LHFPL3: variants seen among roughly 807,000 people sequenced by gnomAD.
LHFPL3 encodes LHFPL tetraspan subfamily member 3 protein.
Under a neutral mutation model 19.3 loss-of-function variants are expected in LHFPL3, and 5 were observed. The ratio of observed to expected loss-of-function variants is 0.26; its 90% CI spans 0.14 to 0.54. The LOEUF is 0.54. Among genes scored for constraint, LHFPL3 ranks in the 20% least tolerant of loss-of-function variants. LHFPL3 has a pLI of 0.94. For missense variants in LHFPL3, 249 were observed against 307.4 expected, an observed-to-expected ratio of 0.81 and a Z score of 1.42; for synonymous variants, 133 against 126.2, an observed-to-expected ratio of 1.05 and a Z score of -0.36.
chr7:104,596,748 C>A (rs1562945721), intron 1 of LHFPL3, among the ~76,000 whole-genome samples: 1 of 152,226 alleles, frequency 6.6e-6, no homozygotes, highest in Non-Finnish European at 1.5e-5. Context: ...GATTTACATT[C>A]CTCAGCTTGG....
chr7:104,806,666 T>C (rs1368383238), intron 2 of LHFPL3, among the ~76,000 whole-genome samples: 1 of 152,224 alleles, frequency 6.6e-6, no homozygotes, highest in Non-Finnish European at 1.5e-5. Context: ...CTGTTGACAA[T>C]TCTAGAATGA....
intron 2 of LHFPL3, among the ~76,000 whole-genome samples, chr7:104,817,173 C>T (rs575554586): frequency 1.3e-5 from 2 of 152,354 alleles, no homozygotes; most frequent in South Asian, 2.1e-4. Context: ...GCGCGGGCTA[C>T]GTTGCCAGTC....
intron 2 of LHFPL3, among the ~76,000 whole-genome samples, chr7:104,777,544 G>A (rs891321591): frequency 6.6e-6 from 1 of 152,240 alleles, no homozygotes; most frequent in African/African-American, 2.4e-5. Flanking sequence ...TGGTTGCTAT[G>A]TCTGCAGTTT....
chr7:104,876,137 G>T (rs1791934697), intron 2 of LHFPL3, among the ~76,000 whole-genome samples: 1 of 152,084 alleles, frequency 6.6e-6, no homozygotes. Context: ...ATTCAAGATG[G>T]ATTAAAGACT....
At chr7:104,899,928 T>C (rs1017267448) in intron 2 of LHFPL3, among the ~76,000 whole-genome samples, 1 of 152,198 alleles carries the variant, frequency 6.6e-6, no homozygotes, top group Non-Finnish European at 1.5e-5. Flanking sequence ...GACAGGGTTT[T>C]ACCATGTTGG....
At chr7:104,571,927 A>G (rs947772101) in intron 1 of LHFPL3, among the ~76,000 whole-genome samples, 6 of 152,104 alleles carry the variant, frequency 3.9e-5, no homozygotes, top group African/African-American at 1.4e-4. Context: ...ACTTTTTCTT[A>G]TTTTTAAGTA....
chr7:104,371,934 T>A (rs1364768650), intron 1 of LHFPL3, among the ~76,000 whole-genome samples: 1 of 152,250 alleles, frequency 6.6e-6, no homozygotes, highest in Non-Finnish European at 1.5e-5. Flanking sequence ...ATTTTCTCGC[T>A]GCTAGTTGAG....
intron 1 of LHFPL3, among the ~76,000 whole-genome samples, chr7:104,427,334 C>T (rs1225750708): frequency 6.6e-6 from 1 of 152,198 alleles, no homozygotes; most frequent in African/African-American, 2.4e-5. Context: ...TTAATGATAA[C>T]TCCACCTATA....
chr7:104,867,815 T>G (rs1046604758), intron 2 of LHFPL3, among the ~76,000 whole-genome samples: 2 of 152,160 alleles, frequency 1.3e-5, no homozygotes, highest in African/African-American at 4.8e-5. Context: ...TGAACATCGA[T>G]GAAAAAATCC....
chr7:104,391,960 G>A (rs1210806755), intron 1 of LHFPL3, among the ~76,000 whole-genome samples: 4 of 152,148 alleles, frequency 2.6e-5, no homozygotes, highest in Non-Finnish European at 5.9e-5. Flanking sequence ...GTGAATGGGA[G>A]TTCACTCATG....
At chr7:104,865,903 A>T (rs1041164242) in intron 2 of LHFPL3, among the ~76,000 whole-genome samples, 41 of 152,246 alleles carry the variant, frequency 2.7e-4, no homozygotes, top group Admixed American at 2.0e-3. Flanking sequence ...AAGCCAGAAG[A>T]GAGTGGGGGC....
chr7:104,359,206 G>T (rs920149590), intron 1 of LHFPL3, among the ~76,000 whole-genome samples: 19 of 152,116 alleles, frequency 1.2e-4, no homozygotes, highest in Admixed American at 1.2e-3. Context: ...ATTTCTCCTT[G>T]GGAATATTTT....
chr7:104,567,223 A>G (rs773019583), intron 1 of LHFPL3, among the ~76,000 whole-genome samples: 13 of 152,156 alleles, frequency 8.5e-5, no homozygotes, highest in Non-Finnish European at 1.2e-4. Flanking sequence ...TCTTTTACCA[A>G]TGTATTACAT....
chr7:104,341,043 C>T (rs1027313650), intron 1 of LHFPL3, among the ~76,000 whole-genome samples: 1 of 152,186 alleles, frequency 6.6e-6, no homozygotes. Context: ...ATTTCCTCTT[C>T]ACAGTTATCG....
chr7:104,400,676 A>T lies in LHFPL3; in HGVS notation c.445+71452A>T, dbSNP rs368516118. On this transcript the variant is annotated intron_variant, in intron 1 of 2. Coordinates refer to ENST00000424859, the MANE Select transcript of LHFPL3 (RefSeq NM_199000.3). ...AAGACAAAATCCTCTCCACTCAGCC[A>T]GACTAACAACTCAAATACCCCTCAG... 2.6e-5 allele frequency among the ~76,000 whole-genome samples: 4 copies of T among 152,334 alleles called. No individual in the cohort carries two copies. In the South Asian group the frequency reaches 8.3e-4, roughly 32 times the overall value.
intron 1 of LHFPL3, among the ~76,000 whole-genome samples, chr7:104,467,118 C>T (rs2115597992): frequency 6.6e-6 from 1 of 152,258 alleles, no homozygotes; most frequent in African/African-American, 2.4e-5. Context: ...AGTTCAATAG[C>T]ACCTACAGTT....
chr7:104,780,291 C>T (rs957598958), intron 2 of LHFPL3, among the ~76,000 whole-genome samples: 9 of 152,172 alleles, frequency 5.9e-5, no homozygotes, highest in African/African-American at 1.2e-4. Context: ...TTCCCACTCC[C>T]GCTGCCAGCA....
chr7:104,739,878 T>A (rs578140457), intron 2 of LHFPL3, among the ~76,000 whole-genome samples: 1 of 152,200 alleles, frequency 6.6e-6, no homozygotes, highest in African/African-American at 2.4e-5. Flanking sequence ...CACACTGTAA[T>A]GTCTTTTATA....
chr7:104,754,670 A>C (rs1794249314), intron 2 of LHFPL3, among the ~76,000 whole-genome samples: 1 of 152,244 alleles, frequency 6.6e-6, no homozygotes, highest in Non-Finnish European at 1.5e-5. Flanking sequence ...TAATTGCGAA[A>C]GAACCCTGGC....
Sources: gnomAD v4.1 joint callset for allele counts (sites outside exome capture counted in the v4.1 genomes callset) on GRCh38, gnomAD v4.1.1 for gene constraint, MANE v1.5 for transcripts, NCBI Gene and HGNC (gene_info 2026-07-23, HGNC 2026-07-21) for gene names.